ZCCHC14: variants seen among roughly 807,000 people sequenced by gnomAD.
ZCCHC14 encodes zinc finger CCHC domain-containing protein 14.
Under a neutral mutation model 85.0 loss-of-function variants are expected in ZCCHC14, and 16 were observed. The observed-to-expected ratio is 0.19, with a 90% CI of 0.13 to 0.29. The LOEUF (loss-of-function observed/expected upper bound fraction) is 0.29. Ranked by LOEUF, ZCCHC14 falls within the 10% of genes least tolerant of loss-of-function variation. The probability of loss-of-function intolerance (pLI) is 1.00; values close to 1 mark genes in which losing one functional copy is unlikely to be tolerated. For missense variants in ZCCHC14, 1,303 were observed against 1,443.5 expected (o/e 0.90, Z 1.58); for synonymous variants, 775 against 630.7 (o/e 1.23, Z -3.43).
chr16:87,490,744 A>G (rs1265709051), intron 1 of ZCCHC14, among the ~76,000 whole-genome samples: 1 of 152,214 alleles, frequency 6.6e-6, no homozygotes, highest in Non-Finnish European at 1.5e-5. Context: ...TCTGTCTGTT[A>G]CAGGTAGCCC....
At position 87,410,078 on chromosome 16, in the gene ZCCHC14, T is replaced by C. The variant is rs1908365490; in HGVS notation, c.*202A>G. On this transcript the variant is annotated 3_prime_UTR_variant, in exon 13 of 13. Transcript: ENST00000671377. ...ACAGAGATGCCCACTAGGCGAGTTC[T>C]GACACCAAGCTCCAATCTAGGGTTT... 6.5e-6 allele frequency: 3 copies of C among 458,728 alleles called. No homozygotes were observed. Among genetic ancestry groups the C allele is most frequent in the South Asian group, 7.1e-5 (2 of 28,172 alleles). The allele number at this position is 458,728 out of a possible 1,614,324, so 28.4% of individuals were successfully genotyped here.
At chr16:87,468,271 A>G (rs934569154) in intron 1 of ZCCHC14, among the ~76,000 whole-genome samples, 6 of 152,192 alleles carry the variant, frequency 3.9e-5, no homozygotes, top group African/African-American at 1.4e-4. Context: ...AGTGGTATTC[A>G]GTATCCCACT....
chr16:87,433,050 G>C (rs989132772), intron 3 of ZCCHC14, 78 bp downstream of exon 3: 2 of 1,466,304 alleles, frequency 1.4e-6, no homozygotes, highest in African/African-American at 1.4e-5. Context: ...GCCTTAGCTA[G>C]GAAGGAAAAG....
chr16:87,469,231 G>A (rs527766190), intron 1 of ZCCHC14, among the ~76,000 whole-genome samples: 1 of 152,108 alleles, frequency 6.6e-6, no homozygotes, highest in Non-Finnish European at 1.5e-5. Context: ...CTTTTGTACA[G>A]TTCTTCCCAA....
chr16:87,466,314 T>C (rs117295775), intron 1 of ZCCHC14, among the ~76,000 whole-genome samples: 6 of 152,308 alleles, frequency 3.9e-5, no homozygotes, highest in Admixed American at 6.5e-5. Context: ...GACATCCAAG[T>C]GGGACGTGCT....
At position 87,415,129 on chromosome 16, in the gene ZCCHC14, T is replaced by C. The variant is rs1908717516; in HGVS notation, c.1475+147A>G. 8.4e-6 allele frequency: 5 copies of C among 596,154 alleles called. No individual in the cohort carries two copies. In the East Asian group the frequency reaches 1.6e-4, roughly 19 times the overall value. 36.9% of individuals were successfully genotyped at this position (596,154 alleles called of 1,614,324 possible). ...TAATCCGTCTCAAAAAATAAATAAA[T>C]AAAAATAAATAAAAGCATGGCTAAG... is the stretch of plus-strand genomic sequence containing the variant. On this transcript the variant is annotated intron_variant, in intron 9 of 12. Coordinates refer to ENST00000671377, the MANE Select transcript of ZCCHC14 (RefSeq NM_015144.3).
At chr16:87,448,385 AAAC>A (rs1470951809) in intron 2 of ZCCHC14, among the ~76,000 whole-genome samples, 2 of 152,194 alleles carry the variant, frequency 1.3e-5, no homozygotes, top group African/African-American at 2.4e-5. Flanking sequence ...TTATCAAAAA[AAAC>A]AACAATGCGT....
At chr16:87,459,258 C>T (rs7191017) in intron 2 of ZCCHC14, among the ~76,000 whole-genome samples, 3,768 of 152,246 alleles carry the variant, frequency 0.025, 151 homozygotes, top group African/African-American at 0.087. Context: ...TCCGTCACCA[C>T]AGAGAGCGCT....
At chr16:87,489,317 A>C (rs1912647377) in intron 1 of ZCCHC14, among the ~76,000 whole-genome samples, 1 of 152,230 alleles carries the variant, frequency 6.6e-6, no homozygotes, top group Non-Finnish European at 1.5e-5. Context: ...AGAATCTTCC[A>C]GTTTTCCAAA....
In ZCCHC14 at chr16:87,418,073, G is replaced by A. The variant is rs541599294; in HGVS notation, c.1101-331C>T. 1.2e-5 allele frequency: 4 copies of A among 333,538 alleles called. No individual in the cohort carries two copies. The East Asian group carries it at 1.9e-4, about 16-fold the overall frequency. 20.7% of individuals were successfully genotyped at this position (333,538 alleles called of 1,614,324 possible). A position where few individuals can be genotyped will look rare whatever the true frequency, so the allele number is the denominator to read the frequency against. The stretch of plus-strand genomic sequence containing the variant: ...GTGTATTATGTATGTGTACGTCTCT[G>A]TCCCCACCAGACTTCTGCTTTAGCT... On this transcript the variant is annotated intron_variant, in intron 7 of 12. Transcript: ENST00000671377.
chr16:87,429,346 CT>C lies in ZCCHC14; in HGVS notation c.768+3781del, dbSNP rs985803811. ...CCATGTATCTTCCTTGGCAAATCAT[CT>C]TTTTTTTTCTTTGTGGAGACAGGGT... On this transcript the variant is annotated intron_variant, in intron 3 of 12. Coordinates refer to ENST00000671377, the MANE Select transcript of ZCCHC14 (RefSeq NM_015144.3). 5.3e-5 allele frequency among the ~76,000 whole-genome samples: 8 copies of C among 151,884 alleles called. 1 individual carries two copies. In the East Asian group the frequency reaches 9.7e-4, roughly 18 times the overall value.
chr16:87,446,682 C>A (rs1326325740), intron 2 of ZCCHC14, among the ~76,000 whole-genome samples: 1 of 152,004 alleles, frequency 6.6e-6, no homozygotes, highest in Non-Finnish European at 1.5e-5. Flanking sequence ...TAGCTGAGGT[C>A]AGCAAACTGA....
chr16:87,486,799 G>A lies in ZCCHC14; in HGVS notation c.570+4870C>T, dbSNP rs187933437. 3.3e-5 allele frequency among the ~76,000 whole-genome samples: 5 copies of A among 152,330 alleles called. No homozygotes were observed. In the East Asian group the frequency reaches 7.7e-4, roughly 23 times the overall value. On this transcript the variant is annotated intron_variant, in intron 1 of 12. Transcript: ENST00000671377. ...GACTTAGTTCACAGACAAGTTCATA[G>A]ACCAGGCGGTTCCCAGCTGCCCAGG...
chr16:87,446,210 G>A (rs896241086), intron 2 of ZCCHC14, among the ~76,000 whole-genome samples: 1 of 151,562 alleles, frequency 6.6e-6, no homozygotes, highest in Non-Finnish European at 1.5e-5. Flanking sequence ...TTGGCAGGGT[G>A]CGGTGGCTCA....
chr16:87,415,792 C>T (rs930578145), intron 8 of ZCCHC14, among the ~76,000 whole-genome samples: 5 of 152,172 alleles, frequency 3.3e-5, no homozygotes, highest in African/African-American at 9.7e-5. Flanking sequence ...GTTATGATAG[C>T]GTGCCACCCC....
chr16:87,460,609 G>A (rs1911212079), intron 1 of ZCCHC14, among the ~76,000 whole-genome samples: 1 of 152,066 alleles, frequency 6.6e-6, no homozygotes, highest in Non-Finnish European at 1.5e-5. Flanking sequence ...AGGATCACTT[G>A]AACCCAGGAG....
At chr16:87,435,652 G>A (rs1448274412) in intron 2 of ZCCHC14, among the ~76,000 whole-genome samples, 1 of 152,270 alleles carries the variant, frequency 6.6e-6, no homozygotes, top group Non-Finnish European at 1.5e-5. Context: ...TGAGGGTCGT[G>A]GAGCACGAGG....
intron 12 of ZCCHC14, 89 bp downstream of exon 12, chr16:87,411,427 A>C (rs1354516678): frequency 6.5e-7 from 1 of 1,546,584 alleles, no homozygotes; most frequent in South Asian, 1.2e-5. Flanking sequence ...TGCTTTACAA[A>C]GAAAGAAGTT....
At chr16:87,469,693 C>T (rs946283842) in intron 1 of ZCCHC14, among the ~76,000 whole-genome samples, 2 of 152,202 alleles carry the variant, frequency 1.3e-5, no homozygotes, top group Admixed American at 6.5e-5. Context: ...AATTAAATTG[C>T]TTCAGTGCTG....
Sources: gnomAD v4.1 joint callset for allele counts (sites outside exome capture counted in the v4.1 genomes callset) on GRCh38, gnomAD v4.1.1 for gene constraint, MANE v1.5 for transcripts, NCBI Gene and HGNC (gene_info 2026-07-23, HGNC 2026-07-21) for gene names.